The following NOP14 variants were observed in gnomAD, a reference collection of about 807,000 sequenced individuals.
NOP14 encodes nucleolar protein 14.
A neutral mutation model predicts 101.6 loss-of-function variants in NOP14; 57 were observed. The ratio of observed to expected loss-of-function variants is 0.56; its 90% CI spans 0.45 to 0.70. The LOEUF is 0.70. NOP14 is among the 30% of genes least tolerant of loss of function. The pLI, the probability that NOP14 is intolerant of heterozygous loss-of-function variation, is 0.00. For missense variants in NOP14, 1,134 were observed against 1,075.5 expected (o/e 1.05, Z -0.76); for synonymous variants, 428 against 424.0 (o/e 1.01, Z -0.12).
At chr4:2,945,252 G>A in intron 11 of NOP14, 23 bp from the exon 12 acceptor site, 1 of 1,520,016 alleles carries the variant, frequency 6.6e-7, no homozygotes, top group Non-Finnish European at 8.9e-7. Flanking sequence ...TGTTACCACA[G>A]GTTAAAGAAG....
intron 1 of NOP14, among the ~76,000 whole-genome samples, chr4:2,958,204 G>A (rs919872661): frequency 6.6e-6 from 1 of 152,212 alleles, no homozygotes; most frequent in Non-Finnish European, 1.5e-5. Context: ...ACAAGTTAGC[G>A]AGGTCACAGT....
rs772196057 is a variant in NOP14 at position 2,941,650 on chromosome 4, T to C, written c.2131A>G (p.Ile711Val). The change falls in exon 15 of 18, where the codon ATC becomes GTC. Residue 711 changes from isoleucine to valine, a missense_variant. Ile to Val is a conservative substitution (Grantham distance 29). Coordinates refer to ENST00000416614, the MANE Select transcript of NOP14 (RefSeq NM_001291978.2). ...AGGAGGGCTTGGAGAGGCCCCATGA[T>C]GGCGTGGAAGGATGGCAGGGACCCG... is the stretch of plus-strand genomic sequence containing the variant. ...MYGSLPSFHAIMGPLQALLTD... is the reference protein window; with the variant it reads ...MYGSLPSFHAVMGPLQALLTD... The C allele has an allele frequency of 6.2e-7, 1 of 1,613,482 alleles. No homozygotes were observed. The highest frequency in any genetic ancestry group is 8.5e-7 in the Non-Finnish European group (1 of 1,179,956).
rs754387402 is a variant in NOP14, at chr4:2,948,296, T to A, written c.1395A>T (p.Gly465=). 1.2e-6 allele frequency: 2 copies of A among 1,602,938 alleles called. No individual in the cohort carries two copies. The highest frequency in any genetic ancestry group is 1.7e-6 in the Non-Finnish European group (2 of 1,177,202). Residue 465 remains glycine (G), a synonymous_variant, in exon 9 of 18, where the codon GGA becomes GGT. Coordinates refer to ENST00000416614, the MANE Select transcript of NOP14 (RefSeq NM_001291978.2). ...QKCNHPSLAE[G]NKAKLEKLFG... is the part of the protein sequence containing the mutation. ...CACGTACTTCTAATTTTGCTTTGTT[T>A]CCTTCTGCGAGACTCGGGTGGTTGC...
intron 2 of NOP14, 68 bp from the exon 3 acceptor site, chr4:2,956,879 G>A: frequency 1.6e-6 from 2 of 1,272,988 alleles, no homozygotes; most frequent in South Asian, 1.4e-5. Flanking sequence ...AAAAAGATAA[G>A]GTAGATATAT....
Position 2,942,308 on chromosome 4 carries a change from C to A in NOP14, c.1935G>T (p.Ser645=), listed in dbSNP as rs778767912. 6.2e-7 allele frequency: 1 copy of A among 1,614,146 alleles called. No individual in the cohort carries two copies. Among genetic ancestry groups the A allele is most frequent in the Non-Finnish European group, 8.5e-7 (1 of 1,180,012 alleles). ...VHPFRALGKN[S]ELLVVSARED... Reference sequence around the variant, plus strand: ...CTCTAGCAGACACCACGAGCAGTTCCGAGTTCTTCCCAAGCGCTCTGAAAG... The same window carrying A: ...CTCTAGCAGACACCACGAGCAGTTCAGAGTTCTTCCCAAGCGCTCTGAAAG... The change falls in exon 14 of 18, where the codon TCG becomes TCT. Residue 645 remains serine, a synonymous_variant. Coordinates refer to ENST00000416614, the MANE Select transcript of NOP14 (RefSeq NM_001291978.2).
chr4:2,938,862 T>G lies in NOP14; in HGVS notation c.2543A>C (p.Lys848Thr). ...NSLATQEGEW[K>T]ALKRKKFKK ...TTTGAACTTTTTCCTCTTCAGAGCC[T>G]TCCATTCGCCTTCCTGTGTAGCCAG... The change falls in exon 18 of 18, where the codon AAG becomes ACG. Residue 848 changes from lysine (K) to threonine (T), a missense_variant. By Grantham distance (78) the Lys-to-Thr change is moderately conservative. Transcript: ENST00000416614. 1 of 1,614,108 alleles carries G rather than the reference T, an allele frequency of 6.2e-7. No individual in the cohort carries two copies. The highest frequency in any genetic ancestry group is 8.5e-7 in the Non-Finnish European group (1 of 1,179,946).
At chr4:2,939,016 T>A in intron 17 of NOP14, 86 bp from the exon 18 acceptor site, 1 of 1,476,494 alleles carries the variant, frequency 6.8e-7, no homozygotes, top group Non-Finnish European at 9.5e-7. Flanking sequence ...AGAACCACAT[T>A]AGCCACCGTG....
At position 2,954,534 on chromosome 4, in the gene NOP14, C is replaced by G. The variant is rs1434951092; in HGVS notation, c.502G>C (p.Gly168Arg). ...AELTAAHFGG[G>R]GGLLHKKTQQ... is the part of the protein sequence containing the mutation. Reference sequence around the variant, plus strand: ...GTCTTCTTGTGAAGGAGCCCACCGCCTCCTCCAAAGTGGGCAGCAGTCAGC... The same window carrying G: ...GTCTTCTTGTGAAGGAGCCCACCGCGTCCTCCAAAGTGGGCAGCAGTCAGC... Residue 168 changes from glycine to arginine, a missense_variant, in exon 4 of 18, where the codon GGC becomes CGC. By Grantham distance (125) the Gly-to-Arg change is moderately radical. Coordinates refer to ENST00000416614, the MANE Select transcript of NOP14 (RefSeq NM_001291978.2). The G allele has an allele frequency of 2.5e-6, 4 of 1,614,056 alleles. No individual in the cohort carries two copies. In the African/African-American group the frequency reaches 5.3e-5, roughly 22 times the overall value.
At position 2,963,406 on chromosome 4, in the gene NOP14, C is replaced by A. The variant is rs1269662312; in HGVS notation, c.-87G>T. On this transcript the variant is annotated 5_prime_UTR_variant, in exon 1 of 18. Coordinates refer to ENST00000416614, the MANE Select transcript of NOP14 (RefSeq NM_001291978.2). ...TAAGACACGTGCCGGGCCGCGGAAC[C>A]GCTTCCTCGTCTCGCGAGAACAGCG... 3 of 1,346,324 alleles carry A rather than the reference C, an allele frequency of 2.2e-6. No homozygotes were observed. The highest frequency in any genetic ancestry group is 2.9e-6 in the Non-Finnish European group (3 of 1,027,842). The allele number at this position is 1,346,324 out of a possible 1,614,324, so 83.4% of individuals were successfully genotyped here.
chr4:2,959,578 CAA>C (rs1460972896), intron 1 of NOP14, among the ~76,000 whole-genome samples: 4 of 117,286 alleles, frequency 3.4e-5, no homozygotes, highest in Non-Finnish European at 7.1e-5. Flanking sequence ...GGGCGACAGA[CAA>C]AGACTCTGTC....
Position 2,938,190 on chromosome 4 carries a change from T to C in NOP14, c.*641A>G. ...ACCGCAGGCAGCGGGTGGGGGGAGC[T>C]GGAGGTTGGAATCACACCAACATTA... is the stretch of plus-strand genomic sequence containing the variant. On this transcript the variant is annotated 3_prime_UTR_variant, in exon 18 of 18. Transcript: ENST00000416614. The C allele has an allele frequency of 1.6e-5, 21 of 1,287,994 alleles. No individual in the cohort carries two copies. Among genetic ancestry groups the C allele is most frequent in the Non-Finnish European group, 2.1e-5 (21 of 988,226 alleles). 79.8% of individuals were successfully genotyped at this position (1,287,994 alleles called of 1,614,324 possible).
intron 2 of NOP14, among the ~76,000 whole-genome samples, chr4:2,957,287 A>G (rs1461309863): frequency 6.6e-6 from 1 of 152,216 alleles, no homozygotes; most frequent in African/African-American, 2.4e-5. Context: ...GGCATGAGCC[A>G]CCGCGCCCGG....
Position 2,939,550 on chromosome 4 carries a change from A to T in NOP14, c.2295T>A (p.Leu765=). The stretch of plus-strand genomic sequence containing the variant: ...ACACTTTGACCAGCCGGGGTGTGAA[A>T]AGCTTCAGTGGGACAGGCTTGCTCT... The part of the protein sequence containing the change: ...CEKSKPVPLK[L]FTPRLVKVLE... The change falls in exon 16 of 18, where the codon CTT becomes CTA. Residue 765 remains leucine (L), a synonymous_variant. Coordinates refer to ENST00000416614, the MANE Select transcript of NOP14 (RefSeq NM_001291978.2). 1 of 1,613,806 alleles carries T rather than the reference A, an allele frequency of 6.2e-7. No individual in the cohort carries two copies. Among genetic ancestry groups the T allele is most frequent in the South Asian group, 1.1e-5 (1 of 91,076 alleles).
chr4:2,955,729 A>G (rs533209900), intron 3 of NOP14, among the ~76,000 whole-genome samples: 49 of 152,366 alleles, frequency 3.2e-4, no homozygotes, highest in Non-Finnish European at 5.1e-4. Flanking sequence ...TTGAACAATG[A>G]AAAGAGCAAA....
Position 2,952,316 on chromosome 4 carries a change from C to T in NOP14, c.829G>A (p.Glu277Lys). Residue 277 changes from glutamate to lysine, a missense_variant, in exon 6 of 18, where the codon GAA becomes AAA. By Grantham distance (56) the Glu-to-Lys change is moderately conservative (BLOSUM62 1). Transcript: ENST00000416614. ...TGCTCCTGCTCTTCCTTTGCCAATT[C>T]TGCCTCCGTCTTCATCCTGTTAGAG... is the stretch of plus-strand genomic sequence containing the variant. ...QPSNRMKTEA[E>K]LAKEEQEHLR... The T allele has an allele frequency of 1.9e-6, 3 of 1,613,950 alleles. No individual in the cohort carries two copies. Among genetic ancestry groups the T allele is most frequent in the Non-Finnish European group, 2.5e-6 (3 of 1,179,856 alleles).
chr4:2,954,796 G>A (rs533795485), intron 3 of NOP14, among the ~76,000 whole-genome samples: 11 of 152,230 alleles, frequency 7.2e-5, no homozygotes, highest in Admixed American at 1.3e-4. Context: ...CCAACTGGCC[G>A]TAACCCAAGT....
rs1194517207 is a variant in NOP14 at position 2,938,477 on chromosome 4, C to T, written c.*354G>A. 2.9e-6 allele frequency: 1 copy of T among 339,122 alleles called. No individual in the cohort carries two copies. Among genetic ancestry groups the T allele is most frequent in the Non-Finnish European group, 5.7e-6 (1 of 175,200 alleles). The allele number at this position is 339,122 out of a possible 1,614,324, so 21.0% of individuals were successfully genotyped here. A position where few individuals can be genotyped will look rare whatever the true frequency, so the allele number is the denominator to read the frequency against. Reference sequence around the variant, plus strand: ...GGAGGTTGTGCCATTGCACTCCAGCCTGGGCAACAAGAGCAAAACTCCGTC... The same window carrying T: ...GGAGGTTGTGCCATTGCACTCCAGCTTGGGCAACAAGAGCAAAACTCCGTC... On this transcript the variant is annotated 3_prime_UTR_variant, in exon 18 of 18. Transcript: ENST00000416614.
chr4:2,944,499 C>T (rs539360639), intron 12 of NOP14, among the ~76,000 whole-genome samples: 11 of 152,312 alleles, frequency 7.2e-5, no homozygotes, highest in African/African-American at 2.4e-4. Context: ...CTCCACCTCC[C>T]GGGTTCAAGT....
intron 4 of NOP14, 129 bp downstream of exon 4, chr4:2,954,295 A>C (rs1715204615): frequency 1.8e-6 from 2 of 1,090,384 alleles, no homozygotes; most frequent in Non-Finnish European, 2.6e-6. Context: ...ACTCACAATA[A>C]ATGCTTTTAC....
Sources: allele counts gnomAD v4.1 joint callset (sites outside exome capture counted in the v4.1 genomes callset), GRCh38; gene constraint gnomAD v4.1.1; transcripts MANE v1.5; gene names NCBI Gene and HGNC (gene_info 2026-07-23, HGNC 2026-07-21).